Variants in TCF7L1 observed in about 807,000 individuals in gnomAD.
TCF7L1 encodes transcription factor 7 like 1.
A neutral mutation model predicts 63.7 loss-of-function variants in TCF7L1; 18 were observed. That is an observed-to-expected ratio of 0.28 (90% confidence interval 0.20 to 0.42). TCF7L1 has a LOEUF of 0.42. TCF7L1 is among the 10% of genes least tolerant of loss of function. TCF7L1 has a pLI of 1.00. For synonymous variants in TCF7L1, 355 were observed against 340.9 expected (o/e 1.04, Z -0.46); for missense variants, 654 against 779.3 (o/e 0.84, Z 1.91).
intron 3 of TCF7L1, among the ~76,000 whole-genome samples, chr2:85,228,942 A>ACC (rs1261466231): frequency 3.4e-5 from 5 of 147,500 alleles, no homozygotes; most frequent in African/African-American, 1.3e-4. Flanking sequence ...ATTGGCATGA[A>ACC]CCCAGGAGGC....
intron 4 of TCF7L1, among the ~76,000 whole-genome samples, chr2:85,290,737 G>A (rs989404791): frequency 6.6e-6 from 1 of 152,174 alleles, no homozygotes; most frequent in Non-Finnish European, 1.5e-5. Flanking sequence ...ATGTGTAGAG[G>A]GAGAAAGATT....
chr2:85,226,816 C>CTTT (rs58016100), intron 3 of TCF7L1, among the ~76,000 whole-genome samples: 1 of 137,452 alleles, frequency 7.3e-6, no homozygotes, highest in Non-Finnish European at 1.6e-5. Flanking sequence ...CTCCCCCCGC[C>CTTT]TTTTTTTTTT....
At chr2:85,258,283 C>T (rs572764887) in intron 3 of TCF7L1, among the ~76,000 whole-genome samples, 1 of 152,240 alleles carries the variant, frequency 6.6e-6, no homozygotes, top group African/African-American at 2.4e-5. Flanking sequence ...ACCACCCTGA[C>T]CACTTCCTTC....
intron 3 of TCF7L1, among the ~76,000 whole-genome samples, chr2:85,172,976 C>G (rs1678587077): frequency 6.6e-6 from 1 of 152,228 alleles, no homozygotes; most frequent in Admixed American, 6.5e-5. Context: ...GTTCACTGGT[C>G]TACCCCAGCA....
chr2:85,179,326 C>T (rs779740122), intron 3 of TCF7L1, among the ~76,000 whole-genome samples: 1 of 152,104 alleles, frequency 6.6e-6, no homozygotes, highest in African/African-American at 2.4e-5. Context: ...CAAATGCATC[C>T]GGATCTCCTG....
rs143406530 is a variant in TCF7L1, at chr2:85,208,031, T to C, written c.441+73581T>C. ...ACGCCATTCTCCTGCCTCAGCCTCC[T>C]GAGTAGCTGGGACTACAGGCGCCCG... On this transcript the variant is annotated intron_variant, in intron 3 of 11. Coordinates refer to ENST00000282111, the MANE Select transcript of TCF7L1 (RefSeq NM_031283.3). Among the ~76,000 whole-genome samples the C allele has an allele frequency of 5.9e-3, 890 of 152,100 alleles. 10 individuals carry two copies. Among genetic ancestry groups the C allele is most frequent in the African/African-American group, 0.02 (834 of 41,490 alleles).
intron 3 of TCF7L1, among the ~76,000 whole-genome samples, chr2:85,216,414 C>T (rs192852356): frequency 2.0e-5 from 3 of 152,244 alleles, no homozygotes; most frequent in Admixed American, 6.5e-5. Flanking sequence ...GGGAACCTCG[C>T]GCCCTGCTGT....
At chr2:85,300,966 G>C (rs1171007875) in intron 4 of TCF7L1, among the ~76,000 whole-genome samples, 1 of 152,046 alleles carries the variant, frequency 6.6e-6, no homozygotes, top group Non-Finnish European at 1.5e-5. Flanking sequence ...TTTTAGTAGA[G>C]ACAGGGTTTC....
At chr2:85,222,006 A>G (rs1679850684) in intron 3 of TCF7L1, among the ~76,000 whole-genome samples, 1 of 151,918 alleles carries the variant, frequency 6.6e-6, no homozygotes, top group Non-Finnish European at 1.5e-5. Context: ...GCAGGGTGGA[A>G]ATAGGGAAAG....
At chr2:85,279,917 G>A (rs1204387131) in intron 3 of TCF7L1, among the ~76,000 whole-genome samples, 1 of 152,162 alleles carries the variant, frequency 6.6e-6, no homozygotes, top group African/African-American at 2.4e-5. Context: ...CGACCAGTGT[G>A]GTCTCCTCCC....
intron 3 of TCF7L1, among the ~76,000 whole-genome samples, chr2:85,226,944 A>G (rs1572999816): frequency 1.3e-5 from 2 of 152,082 alleles, no homozygotes; most frequent in South Asian, 2.1e-4. Context: ...GACAGCGAGA[A>G]CAGTCAGGGC....
intron 3 of TCF7L1, among the ~76,000 whole-genome samples, chr2:85,222,210 G>T (rs999453519): frequency 2.6e-5 from 4 of 151,782 alleles, no homozygotes; most frequent in African/African-American, 9.7e-5. Flanking sequence ...GCGTGGTGGC[G>T]CACGCCTGTA....
chr2:85,215,337 G>A (rs964533583), intron 3 of TCF7L1, among the ~76,000 whole-genome samples: 5 of 152,316 alleles, frequency 3.3e-5, no homozygotes, highest in East Asian at 3.9e-4. Flanking sequence ...CCACTATCAC[G>A]AAATTGTGCA....
In TCF7L1 at chr2:85,309,442, G is replaced by A. The variant is rs148891234; in HGVS notation, c.1747G>A (p.Val583Ile). ...PVLQAQPLSL[V>I]TKSAH is the part of the protein sequence containing the mutation. ...GCTACAGGCCCAGCCTCTTTCCCTG[G>A]TCACCAAGTCTGCCCACTAAGCTCC... Residue 583 changes from valine to isoleucine, a missense_variant, in exon 12 of 12, where the codon GTC becomes ATC. Physicochemically the swap from Val to Ile is conservative, Grantham distance 29. Transcript: ENST00000282111. The A allele has an allele frequency of 9.5e-5, 146 of 1,531,744 alleles. No individual in the cohort carries two copies. The African/African-American group carries it at 1.9e-3, about 20-fold the overall frequency. The allele number at this position is 1,531,744 out of a possible 1,614,324, so 94.9% of individuals were successfully genotyped here. A position where few individuals can be genotyped will look rare whatever the true frequency, so the allele number is the denominator to read the frequency against.
chr2:85,160,850 C>G (rs772092930), intron 3 of TCF7L1, among the ~76,000 whole-genome samples: 8 of 151,832 alleles, frequency 5.3e-5, no homozygotes, highest in Non-Finnish European at 8.8e-5. Flanking sequence ...GACTCTGTCT[C>G]AAAAAGAAAA....
chr2:85,186,958 G>A (rs1678940291), intron 3 of TCF7L1, among the ~76,000 whole-genome samples: 1 of 152,164 alleles, frequency 6.6e-6, no homozygotes, highest in Non-Finnish European at 1.5e-5. Flanking sequence ...GTGAGTTGGT[G>A]GATACCATGT....
chr2:85,189,922 T>C (rs1454068220), intron 3 of TCF7L1, among the ~76,000 whole-genome samples: 2 of 152,318 alleles, frequency 1.3e-5, no homozygotes, highest in African/African-American at 4.8e-5. Flanking sequence ...GACAGCCACT[T>C]GGGGTTCATT....
At chr2:85,189,516 C>T (rs1378944342) in intron 3 of TCF7L1, among the ~76,000 whole-genome samples, 1 of 152,262 alleles carries the variant, frequency 6.6e-6, no homozygotes, top group Non-Finnish European at 1.5e-5. Flanking sequence ...TCTAAGGCTT[C>T]TCCATGTAGT....
At chr2:85,188,522 A>G (rs906237231) in intron 3 of TCF7L1, among the ~76,000 whole-genome samples, 16 of 152,192 alleles carry the variant, frequency 1.1e-4, no homozygotes, top group Admixed American at 8.5e-4. Context: ...CAAACCTGTA[A>G]AAATATGGAC....
Sources: allele counts gnomAD v4.1 joint callset (sites outside exome capture counted in the v4.1 genomes callset), GRCh38; gene constraint gnomAD v4.1.1; transcripts MANE v1.5; gene names NCBI Gene and HGNC (gene_info 2026-07-23, HGNC 2026-07-21).